Variants in INTS6 observed in about 807,000 individuals in gnomAD.
INTS6 encodes DEAD box protein.
A neutral mutation model predicts 104.9 loss-of-function variants in INTS6; 16 were observed. The observed-to-expected ratio is 0.15, with a 90% CI of 0.10 to 0.23. The LOEUF (loss-of-function observed/expected upper bound fraction) is 0.23, where lower values mean the gene tolerates loss of function less well. Among genes scored for constraint, INTS6 ranks in the 10% least tolerant of loss-of-function variants. INTS6 has a pLI of 1.00. For synonymous variants in INTS6, 324 were observed against 358.7 expected, an observed-to-expected ratio of 0.90 and a Z score of 1.09; for missense variants, 584 against 1,062.8, an observed-to-expected ratio of 0.55 and a Z score of 6.26.
intron 16 of INTS6, among the ~76,000 whole-genome samples, chr13:51,368,482 T>C (rs1955736336): frequency 1.3e-5 from 2 of 152,212 alleles, no homozygotes; most frequent in African/African-American, 4.8e-5. Flanking sequence ...GAAGTTCTTT[T>C]GTGTTCATAT....
At chr13:51,370,900 C>A (rs1955790681) in intron 15 of INTS6, among the ~76,000 whole-genome samples, 1 of 152,116 alleles carries the variant, frequency 6.6e-6, no homozygotes, top group Non-Finnish European at 1.5e-5. Context: ...CCACCCTATT[C>A]CCTAGCTCAG....
At chr13:51,349,360 G>A (rs1955383526), downstream of INTS6, among the ~76,000 whole-genome samples, 1 of 152,100 alleles carries the variant, frequency 6.6e-6, no homozygotes, top group Non-Finnish European at 1.5e-5. Flanking sequence ...CAGGGCAAAA[G>A]GTGCACTTAA....
At chr13:51,440,471 C>A (rs1301001513) in intron 3 of INTS6, 1 of 152,052 alleles carries the variant, frequency 6.6e-6, no homozygotes, top group Non-Finnish European at 1.5e-5. Flanking sequence ...CCTAAGTGTA[C>A]AGTTTATAAA....
At position 51,379,445 on chromosome 13, in the gene INTS6, C is replaced by G. The variant is rs762683243; in HGVS notation, c.1386+17G>C. ...CATTCAAAATACTTAATGGCTCACT[C>G]TATTTCTTGATATTACCTGTTGACT... On this transcript the variant is annotated intron_variant, in intron 11 of 17. Coordinates refer to ENST00000311234, the MANE Select transcript of INTS6 (RefSeq NM_012141.3). 6.1e-6 allele frequency: 9 copies of G among 1,474,688 alleles called. No homozygotes were observed. Among genetic ancestry groups the G allele is most frequent in the Non-Finnish European group, 8.4e-6 (9 of 1,067,050 alleles). The allele number at this position is 1,474,688 out of a possible 1,614,324, so 91.4% of individuals were successfully genotyped here. A position where few individuals can be genotyped will look rare whatever the true frequency, so the allele number is the denominator to read the frequency against.
downstream of INTS6, among the ~76,000 whole-genome samples, chr13:51,361,052 T>C (rs932390340): frequency 1.3e-4 from 20 of 152,082 alleles, no homozygotes; most frequent in Admixed American, 1.0e-3. Flanking sequence ...ATTAAATATA[T>C]ATAACAAATT....
At chr13:51,346,626 C>G in the INTS6 span, among the ~76,000 whole-genome samples, 16 of 152,232 alleles carry the variant, frequency 1.1e-4, no homozygotes, top group Non-Finnish European at 2.1e-4. Context: ...TGAGTTCTCA[C>G]TTTCCATTTC....
intron 4 of INTS6, among the ~76,000 whole-genome samples, chr13:51,404,113 G>GAC (rs1273844385): frequency 4.2e-5 from 6 of 144,080 alleles, no homozygotes; most frequent in Admixed American, 4.1e-4. Context: ...CAGAGAGAGA[G>GAC]AGAGAGAGAG....
the INTS6 span, chr13:51,348,265 C>A: frequency 6.2e-7 from 1 of 1,608,942 alleles, no homozygotes; most frequent in Non-Finnish European, 8.5e-7. Flanking sequence ...AGCTTCCTTA[C>A]CTGGGAAGTG....
intron 15 of INTS6, among the ~76,000 whole-genome samples, chr13:51,371,390 C>T (rs915151201): frequency 2.3e-4 from 35 of 152,184 alleles, no homozygotes; most frequent in African/African-American, 8.0e-4. Flanking sequence ...CTAGCAATTC[C>T]TCTACTTTCT....
intron 5 of INTS6, 104 bp from the exon 6 acceptor site, chr13:51,389,548 G>T: frequency 9.1e-7 from 1 of 1,104,778 alleles, no homozygotes; most frequent in Non-Finnish European, 1.2e-6. Flanking sequence ...TGGGGTTTCT[G>T]ACAGTACTAA....
chr13:51,387,146 G>A (rs769230864), intron 7 of INTS6, among the ~76,000 whole-genome samples: 7 of 152,102 alleles, frequency 4.6e-5, no homozygotes, highest in Admixed American at 2.0e-4. Context: ...AATAAAAATC[G>A]CAAGCATAGT....
At chr13:51,340,995 G>A in the INTS6 span, 1 of 1,411,422 alleles carries the variant, frequency 7.1e-7, no homozygotes, top group Non-Finnish European at 9.7e-7. Context: ...AGAGCTGGGG[G>A]TCCCAGTCCT....
chr13:51,427,543 G>C (rs1378735484), intron 4 of INTS6, among the ~76,000 whole-genome samples: 1 of 151,974 alleles, frequency 6.6e-6, no homozygotes, highest in Non-Finnish European at 1.5e-5. Flanking sequence ...ATTAATCTAG[G>C]ATAACTTTCT....
chr13:51,399,818 G>A (rs1032964545), intron 4 of INTS6, among the ~76,000 whole-genome samples: 1 of 152,072 alleles, frequency 6.6e-6, no homozygotes, highest in Admixed American at 6.6e-5. Context: ...CCATTTCAAC[G>A]TGCTCTTTTG....
chr13:51,389,500 TG>T, intron 5 of INTS6, 56 bp from the exon 6 acceptor site: 3 of 1,466,100 alleles, frequency 2.0e-6, no homozygotes, highest in Non-Finnish European at 2.7e-6. Context: ...ACTAGTTAGT[TG>T]CAAGAATTCC....
the INTS6 span, chr13:51,341,122 T>TTGC: frequency 6.2e-7 from 1 of 1,613,878 alleles, no homozygotes; most frequent in Admixed American, 1.7e-5. Flanking sequence ...CCTCTTCCTC[T>TTGC]TTCACTCTTG....
intron 3 of INTS6, among the ~76,000 whole-genome samples, chr13:51,356,285 G>T (rs564589301): frequency 8.5e-4 from 129 of 152,144 alleles, no homozygotes; most frequent in Non-Finnish European, 1.4e-3. Context: ...GACTCAAACA[G>T]AAACTTTCCT....
chr13:51,354,939 A>G, intron 3 of INTS6: 1 of 647,560 alleles, frequency 1.5e-6, no homozygotes, highest in Non-Finnish European at 2.8e-6. Context: ...AATCTGGTGG[A>G]GCCAGCCTGA....
downstream of INTS6, among the ~76,000 whole-genome samples, chr13:51,350,778 T>C (rs1955396143): frequency 6.6e-6 from 1 of 152,138 alleles, no homozygotes; most frequent in African/African-American, 2.4e-5. Flanking sequence ...CCCATATCCA[T>C]TAGCAGTCAC....
Sources: allele counts gnomAD v4.1 joint callset (sites outside exome capture counted in the v4.1 genomes callset), GRCh38; gene constraint gnomAD v4.1.1; transcripts MANE v1.5; gene names NCBI Gene and HGNC (gene_info 2026-07-23, HGNC 2026-07-21).